TACC2: variants seen among roughly 807,000 people sequenced by gnomAD.
TACC2 encodes the protein transforming acidic coiled-coil containing protein 2, also known as transforming acidic coiled-coil-containing protein 2.
Under a neutral mutation model 227.3 loss-of-function variants are expected in TACC2, and 137 were observed. That is an observed-to-expected ratio of 0.60 (90% CI 0.52 to 0.69). The LOEUF (loss-of-function observed/expected upper bound fraction) is 0.69. Among genes scored for constraint, TACC2 ranks in the 30% least tolerant of loss-of-function variants. The pLI is 0.00. For synonymous variants in TACC2, 1,523 were observed against 1,487.5 expected (o/e 1.02, Z -0.55); for missense variants, 3,470 against 3,694.4 (o/e 0.94, Z 1.57).
chr10:122,242,148 T>C (rs2096010308), intron 19 of TACC2, 147 bp downstream of exon 19: 1 of 769,598 alleles, frequency 1.3e-6, no homozygotes, highest in African/African-American at 1.7e-5. Flanking sequence ...AAAATATGGC[T>C]TTGCCCCAGG....
chr10:122,246,563 TCAGTGAA>T (rs2096124207), intron 19 of TACC2: 1 of 152,252 alleles, frequency 6.6e-6, no homozygotes, highest in Non-Finnish European at 1.5e-5. Context: ...TGCCATTTTC[TCAGTGAA>T]CAGTGACTTA....
chr10:122,033,956 A>G (rs1354259003), intron 2 of TACC2, among the ~76,000 whole-genome samples: 1 of 152,122 alleles, frequency 6.6e-6, no homozygotes, highest in Non-Finnish European at 1.5e-5. Flanking sequence ...GTTCGAGACC[A>G]GCCTGACCAA....
intron 3 of TACC2, among the ~76,000 whole-genome samples, chr10:122,068,960 A>AGGC (rs1261335016): frequency 1.4e-5 from 2 of 140,308 alleles, no homozygotes. Context: ...AGCCTCCCAA[A>AGGC]GTGCTGGCAT....
At position 122,043,457 on chromosome 10, in the gene TACC2, T is replaced by C. The variant is rs370229729; in HGVS notation, c.34-6981T>C. ...TAATTAGATTTCTTTCTTTCTTTCT[T>C]TCTCTTTCTTTCTTTCTTTTTCTCT... On this transcript the variant is annotated intron_variant, in intron 2 of 22. Coordinates refer to ENST00000369005, the MANE Select transcript of TACC2 (RefSeq NM_206862.4). Among the ~76,000 whole-genome samples, 131 of 69,854 alleles carry C rather than the reference T, an allele frequency of 1.9e-3. No individual in the cohort carries two copies. In the East Asian group the frequency reaches 0.037, roughly 20 times the overall value. The allele number at this position is 69,854 out of a possible 152,430, so 45.8% of individuals were successfully genotyped here.
At chr10:122,108,487 C>T (rs2083192152) in intron 5 of TACC2, among the ~76,000 whole-genome samples, 1 of 142,646 alleles carries the variant, frequency 7.0e-6, no homozygotes, top group African/African-American at 2.6e-5. Flanking sequence ...GTCTTGTCAC[C>T]CAGGGTGGAG....
intron 5 of TACC2, among the ~76,000 whole-genome samples, chr10:122,113,744 T>C (rs551169598): frequency 3.3e-5 from 5 of 152,356 alleles, no homozygotes; most frequent in African/African-American, 9.6e-5. Flanking sequence ...TCCTCCGAGT[T>C]TGGGACTTTT....
chr10:121,989,982 G>A (rs148272219), intron 1 of TACC2, among the ~76,000 whole-genome samples: 24 of 152,214 alleles, frequency 1.6e-4, no homozygotes, highest in African/African-American at 5.5e-4. Flanking sequence ...TCTGTGTCAT[G>A]TCTGCATCTC....
At chr10:122,065,442 A>G (rs898247221) in intron 3 of TACC2, among the ~76,000 whole-genome samples, 5 of 152,160 alleles carry the variant, frequency 3.3e-5, no homozygotes, top group Non-Finnish European at 5.9e-5. Context: ...GATTTTCCAG[A>G]TATCTTTCTG....
At chr10:122,062,231 T>TA (rs2076918072) in intron 3 of TACC2, among the ~76,000 whole-genome samples, 1 of 151,490 alleles carries the variant, frequency 6.6e-6, no homozygotes, top group East Asian at 1.9e-4. Flanking sequence ...GACGGGGTTT[T>TA]ACTGTGTTAG....
chr10:122,157,596 G>A (rs2092571139), intron 7 of TACC2, among the ~76,000 whole-genome samples: 1 of 151,908 alleles, frequency 6.6e-6, no homozygotes, highest in African/African-American at 2.4e-5. Flanking sequence ...TTGGCTGTTG[G>A]GAAACTTAGA....
chr10:121,995,318 T>C (rs1357551568), intron 1 of TACC2, among the ~76,000 whole-genome samples: 4 of 152,208 alleles, frequency 2.6e-5, no homozygotes, highest in South Asian at 4.1e-4. Context: ...AAAGCCAAAG[T>C]TAGGCAGAAT....
At chr10:122,164,863 G>A (rs1037849508) in intron 7 of TACC2, among the ~76,000 whole-genome samples, 3 of 152,198 alleles carry the variant, frequency 2.0e-5, no homozygotes, top group South Asian at 2.1e-4. Flanking sequence ...GGTAGGGGTA[G>A]TAAAGTGGGT....
intron 8 of TACC2, among the ~76,000 whole-genome samples, chr10:122,198,899 C>G (rs927603687): frequency 6.6e-6 from 1 of 152,230 alleles, no homozygotes; most frequent in Non-Finnish European, 1.5e-5. Flanking sequence ...CAGCCTAGGC[C>G]ACGCCCCCGA....
intron 4 of TACC2, 145 bp downstream of exon 4, chr10:122,088,104 C>A: frequency 2.2e-6 from 2 of 899,086 alleles, no homozygotes; most frequent in Non-Finnish European, 1.5e-6. Flanking sequence ...AACCTGCTTA[C>A]CCCCTCTGGA....
At chr10:122,195,727 G>A (rs1240182117) in intron 8 of TACC2, among the ~76,000 whole-genome samples, 1 of 152,168 alleles carries the variant, frequency 6.6e-6, no homozygotes, top group Non-Finnish European at 1.5e-5. Context: ...TAGTGGACAG[G>A]TGGAATAGAT....
chr10:122,085,099 G>A lies in TACC2; in HGVS notation c.2599G>A (p.Asp867Asn), dbSNP rs1490048887. Residue 867 changes from aspartate to asparagine, a missense_variant, in exon 4 of 23, where the codon GAC (aspartate) becomes AAC (asparagine). Physicochemically the swap from Asp to Asn is conservative, Grantham distance 23 (BLOSUM62 1). Transcript: ENST00000369005. ...TTCTCCAAGCCATCCAGGTTTTAAGGACCAGGGAGCAGATTCTTCCCAAAT... is the reference window on the plus strand; with the variant it reads ...TTCTCCAAGCCATCCAGGTTTTAAGAACCAGGGAGCAGATTCTTCCCAAAT... ...ETSPSHPGFK[D>N]QGADSSQIHV... 2 of 1,614,146 alleles carry A rather than the reference G, an allele frequency of 1.2e-6. No homozygotes were observed. Among genetic ancestry groups the A allele is most frequent in the Non-Finnish European group, 1.7e-6 (2 of 1,180,034 alleles).
chr10:122,095,952 T>A (rs1472845751), intron 5 of TACC2, among the ~76,000 whole-genome samples: 2 of 152,228 alleles, frequency 1.3e-5, no homozygotes. Context: ...ACAACCCAAC[T>A]GGAAGCCACT....
At chr10:122,190,764 A>C (rs530398482) in intron 7 of TACC2, among the ~76,000 whole-genome samples, 3 of 152,036 alleles carry the variant, frequency 2.0e-5, no homozygotes, top group Non-Finnish European at 2.9e-5. Flanking sequence ...CAGCGGGGGG[A>C]GAAACCAACG....
At position 122,084,754 on chromosome 10, in the gene TACC2, G is replaced by A. The variant is rs2079908546; in HGVS notation, c.2254G>A (p.Gly752Arg). The change falls in exon 4 of 23, where the codon GGG becomes AGG. Residue 752 changes from glycine to arginine, a missense_variant. By Grantham distance (125) the Gly-to-Arg change is moderately radical (BLOSUM62 -2). Coordinates refer to ENST00000369005, the MANE Select transcript of TACC2 (RefSeq NM_206862.4). Reference sequence around the variant, plus strand: ...AATAAGGAAGATGGGCAGCTGTGATGGGGAGGGCTTGCTGACGTCCCCAGA... The same window carrying A: ...AATAAGGAAGATGGGCAGCTGTGATAGGGAGGGCTTGCTGACGTCCCCAGA... The part of the protein sequence containing the change: ...LEIRKMGSCD[G>R]EGLLTSPDQP... The A allele has an allele frequency of 1.2e-6, 2 of 1,613,628 alleles. No homozygotes were observed. Among genetic ancestry groups the A allele is most frequent in the Non-Finnish European group, 8.5e-7 (1 of 1,180,028 alleles).
Sources: gnomAD v4.1 joint callset for allele counts (sites outside exome capture counted in the v4.1 genomes callset) on GRCh38, gnomAD v4.1.1 for gene constraint, MANE v1.5 for transcripts, NCBI Gene and HGNC (gene_info 2026-07-23, HGNC 2026-07-21) for gene names.